EPHB1: variants seen among roughly 807,000 people sequenced by gnomAD.
EPHB1 encodes EPH receptor B1.
In EPHB1, 30 loss-of-function variants were observed where a neutral mutation model predicts 94.4. The ratio of observed to expected loss-of-function variants is 0.32; its 90% CI spans 0.24 to 0.43. EPHB1 has a LOEUF of 0.43. Ranked by LOEUF, EPHB1 falls within the 20% of genes least tolerant of loss-of-function variation. The probability of loss-of-function intolerance (pLI) is 1.00; values close to 1 mark genes in which losing one functional copy is unlikely to be tolerated. For missense variants in EPHB1, 1,055 were observed against 1,308.3 expected, an observed-to-expected ratio of 0.81 and a Z score of 2.99; for synonymous variants, 522 against 489.1, an observed-to-expected ratio of 1.07 and a Z score of -0.89.
chr3:135,153,971 T>C, intron 5 of EPHB1, among the ~76,000 whole-genome samples, 181 bp from the exon 6 acceptor site: 1 of 152,192 alleles, frequency 6.6e-6, no homozygotes, highest in South Asian at 2.1e-4. Context: ...TCCTCTGTTA[T>C]CCAATCTCCA....
chr3:135,182,913 T>C (rs970026179), intron 10 of EPHB1, among the ~76,000 whole-genome samples: 3 of 152,154 alleles, frequency 2.0e-5, no homozygotes, highest in Non-Finnish European at 2.9e-5. Flanking sequence ...ATCATGGGAA[T>C]GGGCAAATGC....
chr3:135,211,730 C>T (rs1318488958), intron 12 of EPHB1, among the ~76,000 whole-genome samples: 2 of 152,114 alleles, frequency 1.3e-5, no homozygotes, highest in Non-Finnish European at 2.9e-5. Context: ...TTCGTATACG[C>T]ATTGTGTCAT....
intron 10 of EPHB1, among the ~76,000 whole-genome samples, chr3:135,183,176 C>G (rs1266506728): frequency 6.6e-6 from 1 of 150,426 alleles, no homozygotes; most frequent in Non-Finnish European, 1.5e-5. Context: ...TCATGAGCCC[C>G]TTCTTTCCTT....
chr3:135,255,056 G>A (rs1933313315), intron 15 of EPHB1, among the ~76,000 whole-genome samples: 1 of 152,072 alleles, frequency 6.6e-6, no homozygotes, highest in Admixed American at 6.5e-5. Flanking sequence ...TGGGATCGGT[G>A]GTGATATCCC....
intron 3 of EPHB1, among the ~76,000 whole-genome samples, chr3:135,098,838 C>T (rs1449639119): frequency 2.6e-5 from 4 of 151,618 alleles, no homozygotes; most frequent in Non-Finnish European, 4.4e-5. Context: ...ACGGTAAAAC[C>T]CCGTCTGTAC....
chr3:134,982,963 A>G (rs1211310287), intron 3 of EPHB1, among the ~76,000 whole-genome samples: 3 of 152,214 alleles, frequency 2.0e-5, no homozygotes, highest in Non-Finnish European at 4.4e-5. Context: ...GCCCAGGTCC[A>G]ATTTGTTTTC....
chr3:135,005,384 G>T (rs990645263), intron 3 of EPHB1, among the ~76,000 whole-genome samples: 2 of 152,364 alleles, frequency 1.3e-5, no homozygotes, highest in South Asian at 4.1e-4. Flanking sequence ...GGACATTTTA[G>T]TCTGCAGAGG....
intron 1 of EPHB1, among the ~76,000 whole-genome samples, chr3:134,816,651 C>T (rs541302766): frequency 2.9e-4 from 44 of 152,130 alleles, no homozygotes; most frequent in Non-Finnish European, 5.9e-5. Flanking sequence ...AGGCACCCTC[C>T]TCTGGGAAAA....
intron 1 of EPHB1, among the ~76,000 whole-genome samples, chr3:134,917,024 A>G (rs1352420901): frequency 6.6e-6 from 1 of 152,358 alleles, no homozygotes; most frequent in East Asian, 1.9e-4. Flanking sequence ...AAACTAATAC[A>G]GCTTCTAAAG....
intron 2 of EPHB1, among the ~76,000 whole-genome samples, chr3:134,942,373 G>A (rs946190243): frequency 6.6e-6 from 1 of 152,186 alleles, no homozygotes; most frequent in African/African-American, 2.4e-5. Flanking sequence ...ATTCAATGAC[G>A]AAACAGAAGG....
chr3:134,995,714 C>A (rs1406403895), intron 3 of EPHB1, among the ~76,000 whole-genome samples: 1 of 149,866 alleles, frequency 6.7e-6, no homozygotes, highest in African/African-American at 2.5e-5. Context: ...AATGGTACAA[C>A]CACTTTAAAA....
intron 7 of EPHB1, among the ~76,000 whole-genome samples, chr3:135,164,469 C>T (rs1338329608): frequency 6.6e-6 from 1 of 152,172 alleles, no homozygotes; most frequent in Non-Finnish European, 1.5e-5. Flanking sequence ...TCATGTTTAA[C>T]AGTCGGGCTC....
intron 3 of EPHB1, among the ~76,000 whole-genome samples, chr3:135,091,429 G>A (rs929054728): frequency 2.0e-5 from 3 of 152,202 alleles, no homozygotes; most frequent in African/African-American, 7.2e-5. Context: ...CTGGAACATT[G>A]TGTTAAAGTC....
At chr3:134,812,498 G>A (rs1297680892) in intron 1 of EPHB1, among the ~76,000 whole-genome samples, 1 of 152,094 alleles carries the variant, frequency 6.6e-6, no homozygotes, top group African/African-American at 2.4e-5. Context: ...CTCACAATTG[G>A]TTTATCCATT....
At chr3:135,087,773 G>C (rs529563012) in intron 3 of EPHB1, among the ~76,000 whole-genome samples, 2 of 152,134 alleles carry the variant, frequency 1.3e-5, no homozygotes, top group Admixed American at 6.5e-5. Context: ...GGAAGAGTTC[G>C]CATCAGTGAA....
At position 135,201,663 on chromosome 3, in the gene EPHB1, T is replaced by A. The variant is rs2107713166; in HGVS notation, c.2320T>A (p.Ser774Thr). 1 of 1,613,794 alleles carries A rather than the reference T, an allele frequency of 6.2e-7. No individual in the cohort carries two copies. Among genetic ancestry groups the A allele is most frequent in the Non-Finnish European group, 8.5e-7 (1 of 1,179,914 alleles). The change falls in exon 12 of 16, where the codon TCA becomes ACA. Residue 774 changes from serine to threonine, a missense_variant. By Grantham distance (58) the Ser-to-Thr change is moderately conservative. Coordinates refer to ENST00000398015, the MANE Select transcript of EPHB1 (RefSeq NM_004441.5). ...GLSRYLQDDT[S>T]DPTYTSSLGG... Reference sequence around the variant, plus strand: ...CTCCCGCTACCTCCAGGATGACACCTCAGATCCCACCTACACCAGCTCCTT... The same window carrying A: ...CTCCCGCTACCTCCAGGATGACACCACAGATCCCACCTACACCAGCTCCTT...
intron 4 of EPHB1, among the ~76,000 whole-genome samples, chr3:135,115,438 C>T (rs961583784): frequency 3.3e-5 from 5 of 152,202 alleles, no homozygotes; most frequent in African/African-American, 1.2e-4. Context: ...CCTCTGCCAG[C>T]CTCTCACCTC....
At chr3:135,165,084 C>T (rs1416533293) in intron 7 of EPHB1, among the ~76,000 whole-genome samples, 1 of 152,160 alleles carries the variant, frequency 6.6e-6, no homozygotes, top group African/African-American at 2.4e-5. Flanking sequence ...AGGTCCTGAA[C>T]ATTAGGTAAT....
intron 1 of EPHB1, among the ~76,000 whole-genome samples, chr3:134,808,440 G>C (rs1034061368): frequency 1.3e-5 from 2 of 152,264 alleles, no homozygotes; most frequent in Admixed American, 6.5e-5. Context: ...CTGAGATAGG[G>C]GAGAGCTGGT....
Sources: gnomAD v4.1 joint callset for allele counts (sites outside exome capture counted in the v4.1 genomes callset) on GRCh38, gnomAD v4.1.1 for gene constraint, MANE v1.5 for transcripts, NCBI Gene and HGNC (gene_info 2026-07-23, HGNC 2026-07-21) for gene names.